The following DIAPH2 variants were observed in gnomAD, a reference collection of about 807,000 sequenced individuals.
DIAPH2 encodes the protein diaphanous related formin 2.
Under a neutral mutation model 92.7 loss-of-function variants are expected in DIAPH2, and 35 were observed. The ratio of observed to expected loss-of-function variants is 0.38; its 90% CI spans 0.29 to 0.50. The LOEUF is 0.50. Among genes scored for constraint, DIAPH2 ranks in the 20% least tolerant of loss-of-function variants. The pLI is 0.94. For missense variants in DIAPH2, 701 were observed against 819.5 expected (o/e 0.86, Z 1.77); for synonymous variants, 301 against 280.4 (o/e 1.07, Z -0.73).
chrX:96,756,911 C>CTTTTTTTT (rs1172916942), intron 3 of DIAPH2, among the ~76,000 whole-genome samples: 19 of 58,792 alleles, frequency 3.2e-4, no homozygotes, highest in East Asian at 6.3e-4. Flanking sequence ...ATTTATATAT[C>CTTTTTTTT]TTTTTTTTTT....
At chrX:97,015,114 TATTTC>T (rs1332656594) in intron 17 of DIAPH2, among the ~76,000 whole-genome samples, 2 of 111,910 alleles carry the variant, frequency 1.8e-5, no homozygotes, top group East Asian at 2.8e-4. Context: ...CATGAAAACA[TATTTC>T]AGAAAGAATG....
At position 97,056,889 on chromosome X, in the gene DIAPH2, G is replaced by T. The variant is rs1704335646; in HGVS notation, c.2051-16052G>T. ...GAATATGCATTGAAAGCATAGGTTTGATCTAGGTTTGAATCCCAGATCTAA... is the reference window on the plus strand; with the variant it reads ...GAATATGCATTGAAAGCATAGGTTTTATCTAGGTTTGAATCCCAGATCTAA... On this transcript the variant is annotated intron_variant, in intron 17 of 26. Transcript: ENST00000324765. 8.0e-5 allele frequency among the ~76,000 whole-genome samples: 9 copies of T among 112,042 alleles called. No individual in the cohort carries two copies. In the Admixed American group the frequency reaches 8.5e-4, roughly 11 times the overall value.
At chrX:96,686,262 G>T (rs916869449) in intron 1 of DIAPH2, among the ~76,000 whole-genome samples, 2 of 111,469 alleles carry the variant, frequency 1.8e-5, no homozygotes, top group Non-Finnish European at 3.8e-5. Flanking sequence ...TGGCCATTTG[G>T]TTTGGATCCA....
chrX:96,912,438 G>C, intron 6 of DIAPH2, 36 bp downstream of exon 6: 1 of 1,198,957 alleles, frequency 8.3e-7, no homozygotes, highest in Non-Finnish European at 1.1e-6. Context: ...TCACCAAAGG[G>C]AAAATGTTTC....
At chrX:97,172,802 C>T (rs971694751) in intron 22 of DIAPH2, among the ~76,000 whole-genome samples, 2 of 111,517 alleles carry the variant, frequency 1.8e-5, no homozygotes, top group African/African-American at 6.5e-5. Flanking sequence ...ATCAAGTCCC[C>T]TACTTTCAAA....
chrX:97,374,449 C>T (rs1301546092), intron 24 of DIAPH2, among the ~76,000 whole-genome samples: 1 of 111,939 alleles, frequency 8.9e-6, no homozygotes, highest in African/African-American at 3.3e-5. Flanking sequence ...TCAATTACCC[C>T]AGTGAGAAAG....
At chrX:97,115,468 G>A (rs768275839) in intron 21 of DIAPH2, among the ~76,000 whole-genome samples, 5 of 110,762 alleles carry the variant, frequency 4.5e-5, no homozygotes, top group African/African-American at 1.3e-4. Context: ...CACGGGAGGC[G>A]GGGGTTGGAG....
At chrX:97,308,230 A>G (rs2147636404) in intron 23 of DIAPH2, among the ~76,000 whole-genome samples, 1 of 112,144 alleles carries the variant, frequency 8.9e-6, no homozygotes, top group East Asian at 2.8e-4. Flanking sequence ...TTGGAAAGAA[A>G]TAGAATGATC....
At chrX:97,286,664 C>T (rs1384765058) in intron 23 of DIAPH2, among the ~76,000 whole-genome samples, 3 of 111,119 alleles carry the variant, frequency 2.7e-5, no homozygotes, top group East Asian at 2.8e-4. Context: ...GACTGAAATA[C>T]GGGCACCTCT....
chrX:96,936,466 G>C (rs2065658679), intron 10 of DIAPH2, among the ~76,000 whole-genome samples: 1 of 111,735 alleles, frequency 8.9e-6, no homozygotes, highest in Non-Finnish European at 1.9e-5. Context: ...TTTGAAAGCT[G>C]CAACTTAATG....
At chrX:97,309,014 G>A (rs190349267) in intron 23 of DIAPH2, among the ~76,000 whole-genome samples, 393 of 108,275 alleles carry the variant, frequency 3.6e-3, no homozygotes, top group African/African-American at 0.012. Context: ...GTGAAACTCC[G>A]TCTCAAAAAA....
At chrX:97,217,341 G>A (rs2067891255) in intron 22 of DIAPH2, among the ~76,000 whole-genome samples, 2 of 111,479 alleles carry the variant, frequency 1.8e-5, no homozygotes, top group Admixed American at 1.9e-4. Flanking sequence ...ACTTAATTCC[G>A]TTGGTCCCCT....
chrX:97,457,694 G>A (rs1432657231), intron 26 of DIAPH2, among the ~76,000 whole-genome samples: 2 of 111,534 alleles, frequency 1.8e-5, no homozygotes, highest in Admixed American at 9.5e-5. Flanking sequence ...GCTATGGTCT[G>A]AATGTTTTGT....
At position 96,685,741 on chromosome X, in the gene DIAPH2, C is replaced by G. The variant is rs191763421; in HGVS notation, c.132+551C>G. On this transcript the variant is annotated intron_variant, in intron 1 of 26. Transcript: ENST00000324765. ...CCTTTTTCCTCCTCCTTGCCTCTCTCCATGTGCTCTCCCAAGAAATGTTTC... is the reference window on the plus strand; with the variant it reads ...CCTTTTTCCTCCTCCTTGCCTCTCTGCATGTGCTCTCCCAAGAAATGTTTC... Among the ~76,000 whole-genome samples the G allele has an allele frequency of 1.3e-3, 149 of 112,068 alleles. 1 individual carries two copies. Among genetic ancestry groups the G allele is most frequent in the African/African-American group, 4.7e-3 (144 of 30,781 alleles).
chrX:97,039,967 T>C (rs1386245142), intron 17 of DIAPH2, among the ~76,000 whole-genome samples: 5 of 111,657 alleles, frequency 4.5e-5, no homozygotes, highest in Admixed American at 1.9e-4. Flanking sequence ...GTAAGCTTGA[T>C]TGATTCTCTG....
intron 22 of DIAPH2, among the ~76,000 whole-genome samples, chrX:97,186,331 G>C (rs1229645559): frequency 9.0e-6 from 1 of 111,615 alleles, no homozygotes; most frequent in African/African-American, 3.2e-5. Context: ...CCTACTGGTT[G>C]ACACCAATCT....
At position 96,871,469 on chromosome X, in the gene DIAPH2, CAAAAAA is replaced by C. The variant is rs34852539; in HGVS notation, c.448-10090_448-10085del. On this transcript the variant is annotated intron_variant, in intron 4 of 26. Transcript: ENST00000324765. ...TGGGCGACAGAGCGAGACTCCGTCT[CAAAAAA>C]AAAAAAAAAAAAAAAAAAAGGTAGT... Among the ~76,000 whole-genome samples the C allele has an allele frequency of 2.1e-4, 6 of 28,822 alleles. No homozygotes were observed. The South Asian group carries it at 0.02, about 97-fold the overall frequency. The allele number at this position is 28,822 out of a possible 115,157, so 25.0% of individuals were successfully genotyped here.
chrX:97,107,205 G>T (rs1337790038), intron 20 of DIAPH2, among the ~76,000 whole-genome samples: 1 of 109,957 alleles, frequency 9.1e-6, no homozygotes, highest in African/African-American at 3.3e-5. Flanking sequence ...CTGAGATGGA[G>T]TCTTGCTCTG....
At chrX:97,012,797 C>T (rs1177882894) in intron 17 of DIAPH2, among the ~76,000 whole-genome samples, 3 of 112,100 alleles carry the variant, frequency 2.7e-5, no homozygotes. Context: ...TATTGACTGT[C>T]TCTCCTAGCA....
Sources: allele counts gnomAD v4.1 joint callset (sites outside exome capture counted in the v4.1 genomes callset), GRCh38; gene constraint gnomAD v4.1.1; transcripts MANE v1.5; gene names NCBI Gene and HGNC (gene_info 2026-07-23, HGNC 2026-07-21).